GUCY1A2: variants seen among roughly 807,000 people sequenced by gnomAD.
GUCY1A2 encodes the protein guanylate cyclase soluble subunit alpha-2.
Under a neutral mutation model 63.5 loss-of-function variants are expected in GUCY1A2, and 27 were observed. The observed-to-expected ratio is 0.43, with a 90% CI of 0.31 to 0.59. The LOEUF (loss-of-function observed/expected upper bound fraction) is 0.59, where lower values mean the gene tolerates loss of function less well. GUCY1A2 is among the 20% of genes least tolerant of loss of function. The pLI is 0.11. For synonymous variants in GUCY1A2, 364 were observed against 343.5 expected, an observed-to-expected ratio of 1.06 and a Z score of -0.66; for missense variants, 768 against 913.3, an observed-to-expected ratio of 0.84 and a Z score of 2.05.
At chr11:106,732,065 A>C (rs1456611976) in intron 6 of GUCY1A2, among the ~76,000 whole-genome samples, 1 of 152,172 alleles carries the variant, frequency 6.6e-6, no homozygotes, top group Non-Finnish European at 1.5e-5. Context: ...ATTCATATGG[A>C]ACCAAAAAGA....
intron 6 of GUCY1A2, among the ~76,000 whole-genome samples, chr11:106,738,369 T>C (rs1863627478): frequency 6.6e-6 from 1 of 152,236 alleles, no homozygotes; most frequent in African/African-American, 2.4e-5. Flanking sequence ...ATAGTTTCTT[T>C]TGCTGTGCAG....
chr11:106,688,583 TCA>T (rs1245849636), intron 7 of GUCY1A2, among the ~76,000 whole-genome samples: 1 of 152,014 alleles, frequency 6.6e-6, no homozygotes, highest in Non-Finnish European at 1.5e-5. Flanking sequence ...TCTAAAAAGC[TCA>T]CAGTTTTGTC....
chr11:106,711,831 T>G (rs868042242), intron 6 of GUCY1A2, among the ~76,000 whole-genome samples: 1 of 152,040 alleles, frequency 6.6e-6, no homozygotes, highest in Non-Finnish European at 1.5e-5. Flanking sequence ...GTTTAAAGAG[T>G]TTTTTACCCC....
rs188476534 is a variant in GUCY1A2, at chr11:106,777,412, G to A, written c.1693-830C>T. ...CAGTGAGCCGAGATTGCACCACTGC[G>A]CTCCAGCCTGGTGACAGAGTGAGAC... On this transcript the variant is annotated intron_variant, in intron 5 of 7. Transcript: ENST00000526355. Among the ~76,000 whole-genome samples the A allele has an allele frequency of 9.5e-3, 1,353 of 141,822 alleles. 16 individuals carry two copies. Among genetic ancestry groups the A allele is most frequent in the African/African-American group, 0.023 (869 of 37,270 alleles). The allele number at this position is 141,822 out of a possible 152,430, so 93.0% of individuals were successfully genotyped here. A position where few individuals can be genotyped will look rare whatever the true frequency, so the allele number is the denominator to read the frequency against.
At chr11:106,979,327 C>A (rs1042486000) in intron 2 of GUCY1A2, among the ~76,000 whole-genome samples, 1 of 151,944 alleles carries the variant, frequency 6.6e-6, no homozygotes, top group East Asian at 1.9e-4. Flanking sequence ...TGGTGGCAGG[C>A]GCCTGTAGTC....
intron 4 of GUCY1A2, among the ~76,000 whole-genome samples, chr11:106,934,057 C>G (rs532392658): frequency 2.0e-5 from 3 of 152,000 alleles, no homozygotes; most frequent in Non-Finnish European, 2.9e-5. Context: ...AATATACCCA[C>G]GTAACAAACC....
chr11:106,722,107 T>C (rs1381329600), intron 6 of GUCY1A2, among the ~76,000 whole-genome samples: 1 of 152,198 alleles, frequency 6.6e-6, no homozygotes, highest in African/African-American at 2.4e-5. Context: ...GGAAATGCTA[T>C]GCCAGGCACA....
intron 4 of GUCY1A2, among the ~76,000 whole-genome samples, chr11:106,838,200 G>A (rs765256351): frequency 6.6e-6 from 1 of 151,776 alleles, no homozygotes; most frequent in Non-Finnish European, 1.5e-5. Context: ...ACTTTCTTTT[G>A]GTGCTTAGCA....
At chr11:106,904,041 A>G (rs1393357716) in intron 4 of GUCY1A2, among the ~76,000 whole-genome samples, 1 of 152,198 alleles carries the variant, frequency 6.6e-6, no homozygotes, top group Non-Finnish European at 1.5e-5. Context: ...CAAATTTCTC[A>G]TAGCTATCAT....
At chr11:106,782,383 G>A (rs1322858444) in intron 5 of GUCY1A2, among the ~76,000 whole-genome samples, 1 of 152,176 alleles carries the variant, frequency 6.6e-6, no homozygotes, top group African/African-American at 2.4e-5. Context: ...CTTTAAAGAT[G>A]AGAAATGCTT....
chr11:106,815,792 GCACA>G (rs903719578), intron 4 of GUCY1A2, among the ~76,000 whole-genome samples: 1 of 151,238 alleles, frequency 6.6e-6, no homozygotes. Context: ...ACAAACACAC[GCACA>G]CACACACCAC....
chr11:106,757,892 C>T (rs1315285352), intron 6 of GUCY1A2, among the ~76,000 whole-genome samples: 3 of 152,202 alleles, frequency 2.0e-5, no homozygotes, highest in Non-Finnish European at 4.4e-5. Flanking sequence ...GTTGGGAGAA[C>T]CACTGCTGTC....
chr11:106,910,380 T>G (rs1313334749), intron 4 of GUCY1A2, among the ~76,000 whole-genome samples: 3 of 152,026 alleles, frequency 2.0e-5, no homozygotes, highest in Non-Finnish European at 4.4e-5. Context: ...TCTAAATTGT[T>G]TATATATATA....
At chr11:106,995,911 T>C (rs1225184530) in intron 1 of GUCY1A2, among the ~76,000 whole-genome samples, 1 of 152,240 alleles carries the variant, frequency 6.6e-6, no homozygotes, top group Non-Finnish European at 1.5e-5. Flanking sequence ...GTGGCTTCAA[T>C]TTGAGTATTT....
chr11:106,951,819 T>C (rs1184808002), intron 3 of GUCY1A2, among the ~76,000 whole-genome samples: 2 of 152,230 alleles, frequency 1.3e-5, no homozygotes, highest in African/African-American at 4.8e-5. Context: ...CCCATGCCAA[T>C]GTCCTGAATG....
At position 106,683,009 on chromosome 11, in the gene GUCY1A2, G is replaced by A. The variant is rs1289656010; in HGVS notation, c.*4540C>T. 2 of 216,926 alleles carry A rather than the reference G, an allele frequency of 9.2e-6. No homozygotes were observed. The highest frequency in any genetic ancestry group is 4.5e-5 in the African/African-American group (2 of 44,368). 13.4% of individuals were successfully genotyped at this position (216,926 alleles called of 1,614,324 possible). On this transcript the variant is annotated 3_prime_UTR_variant, in exon 8 of 8. Transcript: ENST00000526355. ...GGATCTTGAAATTGAGTCCATAGCT[G>A]AGGTCAACTTACCCATTTAACAATA... is the stretch of plus-strand genomic sequence containing the variant.
At chr11:106,943,488 C>CT (rs1174838731) in intron 3 of GUCY1A2, among the ~76,000 whole-genome samples, 1 of 152,318 alleles carries the variant, frequency 6.6e-6, no homozygotes, top group East Asian at 1.9e-4. Flanking sequence ...TGCTGGCATC[C>CT]TTTAGCTGTA....
At position 106,690,473 on chromosome 11, in the gene GUCY1A2, A is replaced by G. The variant is rs139964387; in HGVS notation, c.1992-2717T>C. On this transcript the variant is annotated intron_variant, in intron 7 of 7. Transcript: ENST00000526355. ...ATTTATAATTGGGAACTAAATGATG[A>G]GACCACATGGACACATAGAGGAGAA... Among the ~76,000 whole-genome samples, 9 of 152,316 alleles carry G rather than the reference A, an allele frequency of 5.9e-5. No homozygotes were observed. The East Asian group carries it at 1.7e-3, about 29-fold the overall frequency.
At chr11:106,705,026 A>G (rs1447994354) in intron 7 of GUCY1A2, among the ~76,000 whole-genome samples, 3 of 151,984 alleles carry the variant, frequency 2.0e-5, no homozygotes, top group Non-Finnish European at 4.4e-5. Context: ...AAACACATTT[A>G]TTGAAGAAAA....
Sources: allele counts gnomAD v4.1 joint callset (sites outside exome capture counted in the v4.1 genomes callset), GRCh38; gene constraint gnomAD v4.1.1; transcripts MANE v1.5; gene names NCBI Gene and HGNC (gene_info 2026-07-23, HGNC 2026-07-21).